ETHE1: variants seen among roughly 807,000 people sequenced by gnomAD.
ETHE1 encodes the protein persulfide dioxygenase ETHE1, mitochondrial.
Under a neutral mutation model 25.7 loss-of-function variants are expected in ETHE1, and 16 were observed. The ratio of observed to expected loss-of-function variants is 0.62; its 90% CI spans 0.42 to 0.95. The LOEUF (loss-of-function observed/expected upper bound fraction) is 0.95, where lower values mean the gene tolerates loss of function less well. Among genes scored for constraint, ETHE1 ranks in the 40% least tolerant of loss-of-function variants. The pLI, the probability that ETHE1 is intolerant of heterozygous loss-of-function variation, is 0.00. For synonymous variants in ETHE1, 139 were observed against 135.9 expected (o/e 1.02, Z -0.16); for missense variants, 300 against 333.6 (o/e 0.90, Z 0.79).
rs1402329314 is a variant in ETHE1, at chr19:43,511,566, C to T, written c.376G>A (p.Ala126Thr). 2 of 1,613,136 alleles carry T rather than the reference C, an allele frequency of 1.2e-6. No individual in the cohort carries two copies. Among genetic ancestry groups the T allele is most frequent in the Admixed American group, 1.7e-5 (1 of 59,988 alleles). Residue 126 changes from alanine to threonine, a missense_variant and splice_region_variant, in exon 4 of 7, where the codon GCG becomes ACG. Coordinates refer to ENST00000292147, the MANE Select transcript of ETHE1 (RefSeq NM_014297.5). ...DGDSIRFGRFALETRASPGHT... is the reference protein window; with the variant it reads ...DGDSIRFGRFTLETRASPGHT... ...CCAGGGCTGGCCCTGGTCTCCAACGCCTGGCAGGGGTGGAAGAGTACAGAG... is the reference window on the plus strand; with the variant it reads ...CCAGGGCTGGCCCTGGTCTCCAACGTCTGGCAGGGGTGGAAGAGTACAGAG...
chr19:43,506,742 A>G lies in ETHE1; in HGVS notation c.*108T>C. 9.2e-7 allele frequency: 1 copy of G among 1,085,586 alleles called. No homozygotes were observed. The highest frequency in any genetic ancestry group is 1.4e-6 in the Non-Finnish European group (1 of 707,324). The allele number at this position is 1,085,586 out of a possible 1,614,324, so 67.2% of individuals were successfully genotyped here. The stretch of plus-strand genomic sequence containing the variant: ...ACTCACGTTAAAAAAAGTTTTATTT[A>G]GGGAGCTCCAGGGAATGCGGTGGGA... On this transcript the variant is annotated 3_prime_UTR_variant, in exon 7 of 7. Coordinates refer to ENST00000292147, the MANE Select transcript of ETHE1 (RefSeq NM_014297.5).
chr19:43,519,320 T>C (rs1460161021), intron 3 of ETHE1, among the ~76,000 whole-genome samples: 1 of 152,090 alleles, frequency 6.6e-6, no homozygotes, highest in Admixed American at 6.6e-5. Context: ...CCTGTGCTTG[T>C]GTATTGTTAT....
chr19:43,519,981 A>C (rs1267345801), intron 3 of ETHE1, among the ~76,000 whole-genome samples: 1 of 151,150 alleles, frequency 6.6e-6, no homozygotes, highest in East Asian at 1.9e-4. Flanking sequence ...TGGGAGGCTG[A>C]GGCGGGAGGA....
At chr19:43,511,230 G>A (rs1271638946) in intron 4 of ETHE1, among the ~76,000 whole-genome samples, 2 of 152,082 alleles carry the variant, frequency 1.3e-5, no homozygotes, top group African/African-American at 4.8e-5. Context: ...CCCTGCCATG[G>A]TCCATGGAAA....
At chr19:43,526,100 T>A (rs1972238088) in intron 3 of ETHE1, 101 bp downstream of exon 3, 1 of 1,572,096 alleles carries the variant, frequency 6.4e-7, no homozygotes, top group Non-Finnish European at 8.7e-7. Flanking sequence ...CTGAGGTCCC[T>A]CCTCCCCAAG....
intron 6 of ETHE1, chr19:43,507,712 A>T (rs1198620920): frequency 7.0e-6 from 1 of 141,846 alleles, no homozygotes; most frequent in Non-Finnish European, 1.3e-5. Context: ...CCAGGCCCCC[A>T]GCCCCTACTG....
intron 3 of ETHE1, among the ~76,000 whole-genome samples, chr19:43,524,250 T>TG (rs747769823): frequency 6.6e-6 from 1 of 152,058 alleles, no homozygotes; most frequent in Non-Finnish European, 1.5e-5. Flanking sequence ...CTGGGCTTGG[T>TG]GGCGCACGCC....
At chr19:43,520,300 T>C (rs1165105051) in intron 3 of ETHE1, among the ~76,000 whole-genome samples, 1 of 152,108 alleles carries the variant, frequency 6.6e-6, no homozygotes, top group Non-Finnish European at 1.5e-5. Context: ...AGGCAGAGGT[T>C]GCAGTAAACC....
Position 43,526,243 on chromosome 19 carries a change from G to A in ETHE1, c.333C>T (p.Asp111=), listed in dbSNP as rs761987682. 2 of 1,614,174 alleles carry A rather than the reference G, an allele frequency of 1.2e-6. No individual in the cohort carries two copies. The highest frequency in any genetic ancestry group is 4.5e-5 in the East Asian group (2 of 44,872). The change falls in exon 3 of 7, where the codon GAC becomes GAT. Residue 111 remains aspartate (D), a synonymous_variant. Coordinates refer to ENST00000292147, the MANE Select transcript of ETHE1 (RefSeq NM_014297.5). ...VISRLSGAQA[D]LHIEDGDSIR... ...TGGAGTCTCCATCCTCAATGTGTAA[G>A]TCAGCCTGGGCCCCACTAAGGCGGG...
At chr19:43,524,065 G>A (rs1310539471) in intron 3 of ETHE1, among the ~76,000 whole-genome samples, 6 of 151,316 alleles carry the variant, frequency 4.0e-5, no homozygotes, top group South Asian at 2.1e-4. Flanking sequence ...GAGAAACCCC[G>A]TCTCTACTAA....
At chr19:43,523,550 T>C (rs969512708) in intron 3 of ETHE1, among the ~76,000 whole-genome samples, 5 of 151,930 alleles carry the variant, frequency 3.3e-5, no homozygotes, top group Admixed American at 2.0e-4. Flanking sequence ...GTACTGGAAT[T>C]ACAGGCATGA....
At chr19:43,522,595 C>T (rs917082906) in intron 3 of ETHE1, among the ~76,000 whole-genome samples, 2 of 152,144 alleles carry the variant, frequency 1.3e-5, no homozygotes, top group Non-Finnish European at 2.9e-5. Context: ...GATTCCCCTG[C>T]CTCAGCCTCC....
Position 43,511,565 on chromosome 19 carries a change from G to A in ETHE1, c.377C>T (p.Ala126Val), listed in dbSNP as rs768418351. ...DGDSIRFGRF[A>V]LETRASPGHT... ...GCCAGGGCTGGCCCTGGTCTCCAAC[G>A]CCTGGCAGGGGTGGAAGAGTACAGA... The change falls in exon 4 of 7, where the codon GCG becomes GTG. Residue 126 changes from alanine (A) to valine (V), a missense_variant and splice_region_variant. Coordinates refer to ENST00000292147, the MANE Select transcript of ETHE1 (RefSeq NM_014297.5). 36 of 1,613,022 alleles carry A rather than the reference G, an allele frequency of 2.2e-5. No homozygotes were observed. The highest frequency in any genetic ancestry group is 1.7e-4 in the Middle Eastern group (1 of 5,952).
chr19:43,514,072 G>C (rs1273680568), intron 3 of ETHE1, among the ~76,000 whole-genome samples: 1 of 152,008 alleles, frequency 6.6e-6, no homozygotes, highest in African/African-American at 2.4e-5. Flanking sequence ...GAAATGAGTT[G>C]AGACTTTGGG....
In ETHE1 at chr19:43,508,791, A is replaced by G; in HGVS notation, c.579T>C (p.Pro193=). 1 of 1,606,466 alleles carries G rather than the reference A, an allele frequency of 6.2e-7. No individual in the cohort carries two copies. Among genetic ancestry groups the G allele is most frequent in the Non-Finnish European group, 8.5e-7 (1 of 1,176,794 alleles). Residue 193 remains proline, a synonymous_variant, in exon 5 of 7, where the codon CCT becomes CCC. Transcript: ENST00000292147. ...FTLPGDCLIY[P]AHDYHGFTVS... Reference sequence around the variant, plus strand: ...AGCCCTCACCATGGTAATCGTGAGCAGGGTAGATCAGACAGTCTCCTGGAA... The same window carrying G: ...AGCCCTCACCATGGTAATCGTGAGCGGGGTAGATCAGACAGTCTCCTGGAA...
intron 3 of ETHE1, among the ~76,000 whole-genome samples, chr19:43,519,303 C>T (rs1028495116): frequency 1.3e-5 from 2 of 152,122 alleles, no homozygotes; most frequent in African/African-American, 2.4e-5. Context: ...TGAGCCACCG[C>T]GCCCGGCCTG....
intron 3 of ETHE1, among the ~76,000 whole-genome samples, chr19:43,524,486 G>A (rs1004387633): frequency 2.6e-5 from 4 of 151,838 alleles, no homozygotes; most frequent in African/African-American, 9.7e-5. Flanking sequence ...TGGAGTAATG[G>A]AAACATTTTC....
chr19:43,510,687 T>C (rs980745830), intron 4 of ETHE1, among the ~76,000 whole-genome samples: 2 of 151,678 alleles, frequency 1.3e-5, no homozygotes, highest in South Asian at 2.1e-4. Context: ...GGAGTCTCAC[T>C]ATGTTGCCCA....
chr19:43,513,859 C>T (rs1476545739), intron 3 of ETHE1, among the ~76,000 whole-genome samples: 2 of 151,898 alleles, frequency 1.3e-5, no homozygotes, highest in African/African-American at 2.4e-5. Context: ...GTAGTTGAGA[C>T]TACAGGCATG....
Sources: allele counts gnomAD v4.1 joint callset (sites outside exome capture counted in the v4.1 genomes callset), GRCh38; gene constraint gnomAD v4.1.1; transcripts MANE v1.5; gene names NCBI Gene and HGNC (gene_info 2026-07-23, HGNC 2026-07-21).